The following NRXN3 variants were observed in gnomAD, a reference collection of about 807,000 sequenced individuals.
The protein encoded by NRXN3 is neurexin III.
Under a neutral mutation model 137.6 loss-of-function variants are expected in NRXN3, and 32 were observed. That is an observed-to-expected ratio of 0.23 (90% CI 0.18 to 0.31). NRXN3 has a LOEUF of 0.31. Among genes scored for constraint, NRXN3 ranks in the 10% least tolerant of loss-of-function variants. NRXN3 has a pLI of 1.00. For synonymous variants in NRXN3, 798 were observed against 784.5 expected (o/e 1.02, Z -0.29); for missense variants, 1,574 against 2,062.5 (o/e 0.76, Z 4.59).
intron 20 of NRXN3, among the ~76,000 whole-genome samples, chr14:79,808,254 AAATAT>A (rs2099217316): frequency 7.8e-6 from 1 of 127,620 alleles, no homozygotes; most frequent in African/African-American, 3.3e-5. Context: ...AAAAAAAAAA[AAATAT>A]ATATATATAT....
chr14:78,456,932 C>T (rs2094751409), intron 4 of NRXN3, among the ~76,000 whole-genome samples: 2 of 148,092 alleles, frequency 1.4e-5, no homozygotes, highest in South Asian at 4.4e-4. Flanking sequence ...TCTCTCCCTC[C>T]CTTCCTCCCT....
intron 4 of NRXN3, among the ~76,000 whole-genome samples, chr14:78,518,755 G>C (rs1302870220): frequency 6.6e-6 from 1 of 152,034 alleles, no homozygotes; most frequent in Non-Finnish European, 1.5e-5. Context: ...GCCCTAATTG[G>C]TTCACAGATG....
chr14:79,375,825 C>T (rs1167919414), intron 15 of NRXN3, among the ~76,000 whole-genome samples: 2 of 151,768 alleles, frequency 1.3e-5, no homozygotes, highest in African/African-American at 4.8e-5. Context: ...TTTTAAAAAT[C>T]CATACATCTT....
At chr14:78,863,244 A>G (rs2099077702) in intron 10 of NRXN3, among the ~76,000 whole-genome samples, 1 of 152,122 alleles carries the variant, frequency 6.6e-6, no homozygotes, top group Non-Finnish European at 1.5e-5. Context: ...CATGACAGCC[A>G]AAAAAGTTCC....
At chr14:79,447,513 C>A (rs763610832) in intron 15 of NRXN3, among the ~76,000 whole-genome samples, 2 of 152,172 alleles carry the variant, frequency 1.3e-5, no homozygotes, top group Non-Finnish European at 2.9e-5. Context: ...GTTTATCCTA[C>A]CAGGGTCCAA....
intron 15 of NRXN3, among the ~76,000 whole-genome samples, chr14:79,362,287 T>C (rs1315798013): frequency 6.6e-6 from 1 of 151,842 alleles, no homozygotes; most frequent in African/African-American, 2.4e-5. Flanking sequence ...CTCCTAATGC[T>C]ATCCCTCCCC....
chr14:79,052,130 G>A (rs1595405254), intron 15 of NRXN3, among the ~76,000 whole-genome samples: 1 of 152,142 alleles, frequency 6.6e-6, no homozygotes, highest in East Asian at 1.9e-4. Context: ...CCATTTAAAT[G>A]CAGTTGGGCA....
chr14:79,403,516 C>G (rs572351745), intron 15 of NRXN3, among the ~76,000 whole-genome samples: 2 of 152,222 alleles, frequency 1.3e-5, no homozygotes, highest in Non-Finnish European at 2.9e-5. Flanking sequence ...GCTTTTTCTG[C>G]TTCTATTTCA....
intron 4 of NRXN3, among the ~76,000 whole-genome samples, chr14:78,375,769 G>C (rs1345182555): frequency 6.6e-6 from 1 of 152,176 alleles, no homozygotes; most frequent in South Asian, 2.1e-4. Flanking sequence ...TGAAATCTGA[G>C]TGCAATGCAG....
intron 1 of NRXN3, among the ~76,000 whole-genome samples, chr14:78,211,703 C>T (rs779282979): frequency 8.5e-5 from 13 of 152,232 alleles, no homozygotes; most frequent in Non-Finnish European, 1.6e-4. Context: ...CTGCCTCTTT[C>T]TCTGCAGTAA....
chr14:79,327,636 T>C (rs1295387447), intron 15 of NRXN3, among the ~76,000 whole-genome samples: 1 of 152,236 alleles, frequency 6.6e-6, no homozygotes, highest in Non-Finnish European at 1.5e-5. Flanking sequence ...CTGTGTCCCA[T>C]GAAGTCTACT....
chr14:78,637,027 G>T (rs1287434791), intron 4 of NRXN3, among the ~76,000 whole-genome samples: 1 of 151,526 alleles, frequency 6.6e-6, no homozygotes, highest in African/African-American at 2.4e-5. Context: ...ATGTCTCCTG[G>T]CTCCCTCTTC....
At chr14:79,806,615 G>A (rs2099206324) in intron 20 of NRXN3, among the ~76,000 whole-genome samples, 1 of 151,874 alleles carries the variant, frequency 6.6e-6, no homozygotes. Context: ...ACCAGAACTT[G>A]GGTGCCATGT....
At chr14:78,192,065 AGTGTGTGTGTGTGT>A (rs34445474) in intron 1 of NRXN3, among the ~76,000 whole-genome samples, 4,177 of 142,948 alleles carry the variant, frequency 0.029, 211 homozygotes, top group African/African-American at 0.1. Context: ...GCTGCCCGAA[AGTGTGTGTGTGTGT>A]GTGTGTGTGT....
In NRXN3 at chr14:79,799,938, T is replaced by A. The variant is rs140015466; in HGVS notation, c.4015-5174T>A. 1.6e-3 allele frequency among the ~76,000 whole-genome samples: 245 copies of A among 152,220 alleles called. 2 individuals carry two copies. The highest frequency in any genetic ancestry group is 3.6e-3 in the African/African-American group (149 of 41,528). ...ACTGTTAAAGTGCTTGACATATAGG[T>A]GTTTGAAAAAGATTCATTAAAGTAA... On this transcript the variant is annotated intron_variant, in intron 19 of 20. Coordinates refer to ENST00000335750, the MANE Select transcript of NRXN3 (RefSeq NM_001330195.2).
chr14:79,852,447 G>A (rs1304470838), intron 20 of NRXN3, among the ~76,000 whole-genome samples: 2 of 151,974 alleles, frequency 1.3e-5, no homozygotes, highest in Admixed American at 6.6e-5. Flanking sequence ...TCCCCTAAAT[G>A]CAACTTACTT....
chr14:78,332,296 T>G (rs2153571374), intron 4 of NRXN3, among the ~76,000 whole-genome samples: 1 of 149,576 alleles, frequency 6.7e-6, no homozygotes, highest in Non-Finnish European at 1.5e-5. Flanking sequence ...CCCTATCTTT[T>G]ACCATATTTT....
chr14:79,815,913 T>C (rs1212306302), intron 20 of NRXN3, among the ~76,000 whole-genome samples: 1 of 152,148 alleles, frequency 6.6e-6, no homozygotes. Flanking sequence ...AGTTTTTAAT[T>C]ACCTGTTTTT....
intron 15 of NRXN3, among the ~76,000 whole-genome samples, chr14:79,307,673 T>TAGA (rs1164799304): frequency 2.6e-5 from 4 of 152,128 alleles, no homozygotes; most frequent in Non-Finnish European, 5.9e-5. Context: ...TCATTATTGG[T>TAGA]AGAAGGCTTT....
Sources: gnomAD v4.1 joint callset for allele counts (sites outside exome capture counted in the v4.1 genomes callset) on GRCh38, gnomAD v4.1.1 for gene constraint, MANE v1.5 for transcripts, NCBI Gene and HGNC (gene_info 2026-07-23, HGNC 2026-07-21) for gene names.